MAGI1: variants seen among roughly 807,000 people sequenced by gnomAD.
MAGI1 encodes the protein membrane associated guanylate kinase, WW and PDZ domain containing 1, also known as membrane-associated guanylate kinase, WW and PDZ domain-containing protein 1.
MAGI1 carries 58 observed loss-of-function variants against 139.9 expected under a neutral mutation model. The observed-to-expected ratio is 0.41, with a 90% CI of 0.34 to 0.52. The LOEUF is 0.52. Ranked by LOEUF, MAGI1 falls within the 20% of genes least tolerant of loss-of-function variation. The probability of loss-of-function intolerance (pLI) is 0.12; values close to 1 mark genes in which losing one functional copy is unlikely to be tolerated. For missense variants in MAGI1, 1,874 were observed against 1,901.6 expected (o/e 0.99, Z 0.27); for synonymous variants, 812 against 737.9 (o/e 1.10, Z -1.63).
At chr3:65,357,858 C>T (rs1940357568) in intron 22 of MAGI1, among the ~76,000 whole-genome samples, 1 of 152,082 alleles carries the variant, frequency 6.6e-6, no homozygotes, top group Admixed American at 6.6e-5. Flanking sequence ...CGCAAGGGCC[C>T]ATTAAACTGT....
At chr3:65,940,865 C>T (rs1421876896) in intron 1 of MAGI1, among the ~76,000 whole-genome samples, 2 of 152,058 alleles carry the variant, frequency 1.3e-5, no homozygotes, top group African/African-American at 4.8e-5. Context: ...CCTCACAAAC[C>T]CCAAACCTTA....
At chr3:65,883,624 T>C (rs2060420216) in intron 1 of MAGI1, among the ~76,000 whole-genome samples, 1 of 152,206 alleles carries the variant, frequency 6.6e-6, no homozygotes, top group Non-Finnish European at 1.5e-5. Flanking sequence ...AGATATTCTA[T>C]GAAAAAGAAG....
chr3:65,729,685 G>A (rs979280176), intron 1 of MAGI1, among the ~76,000 whole-genome samples: 3 of 152,096 alleles, frequency 2.0e-5, no homozygotes, highest in South Asian at 4.1e-4. Context: ...GCTCCCCATC[G>A]CTAATGAAAA....
At position 66,038,334 on chromosome 3, in the gene MAGI1, A is replaced by T. The variant is rs1370925691; in HGVS notation, c.-26T>A. 1 of 1,519,310 alleles carries T rather than the reference A, an allele frequency of 6.6e-7. No individual in the cohort carries two copies. The highest frequency in any genetic ancestry group is 1.3e-5 in the South Asian group (1 of 77,046). 94.1% of individuals were successfully genotyped at this position (1,519,310 alleles called of 1,614,324 possible). On this transcript the variant is annotated 5_prime_UTR_variant, in exon 1 of 23. Transcript: ENST00000402939. ...GATGAGTTACACCCCTCCTCCAAAA[A>T]AATAAAACGAGAGACAGGTGCCCCC...
At chr3:65,453,629 T>C (rs73133303) in intron 5 of MAGI1, among the ~76,000 whole-genome samples, 48,010 of 151,978 alleles carry the variant, frequency 0.32, 9,085 homozygotes, top group East Asian at 0.74. Context: ...ATGATACCCC[T>C]TGCGTATACC....
intron 2 of MAGI1, among the ~76,000 whole-genome samples, chr3:65,521,110 C>T (rs1016229720): frequency 6.6e-6 from 1 of 152,168 alleles, no homozygotes; most frequent in Admixed American, 6.5e-5. Flanking sequence ...GTACCACAGA[C>T]AGTGGAAGGC....
intron 2 of MAGI1, among the ~76,000 whole-genome samples, chr3:65,606,203 C>A (rs1206696407): frequency 6.6e-6 from 1 of 152,140 alleles, no homozygotes; most frequent in East Asian, 1.9e-4. Context: ...GATCACAAAG[C>A]CAGAGGACAG....
intron 13 of MAGI1, among the ~76,000 whole-genome samples, chr3:65,400,859 G>A (rs929685978): frequency 7.4e-6 from 1 of 135,014 alleles, no homozygotes; most frequent in Non-Finnish European, 1.5e-5. Flanking sequence ...CTACAGCAAG[G>A]AAATGTCCTA....
intron 1 of MAGI1, among the ~76,000 whole-genome samples, chr3:66,007,717 GCAGACAA>G (rs2067099891): frequency 6.6e-6 from 1 of 152,076 alleles, no homozygotes; most frequent in Admixed American, 6.6e-5. Context: ...AAAATATACT[GCAGACAA>G]CAAGGAACAT....
intron 1 of MAGI1, among the ~76,000 whole-genome samples, chr3:65,929,547 A>G (rs771742646): frequency 1.3e-5 from 2 of 151,902 alleles, no homozygotes; most frequent in Non-Finnish European, 2.9e-5. Flanking sequence ...ATTGGCCAGG[A>G]TGGTCTCGAT....
At chr3:65,471,642 C>G (rs916406188) in intron 4 of MAGI1, among the ~76,000 whole-genome samples, 7 of 152,266 alleles carry the variant, frequency 4.6e-5, no homozygotes, top group Admixed American at 3.3e-4. Flanking sequence ...CCTTGTGGTG[C>G]CCCTCCCCAC....
intron 1 of MAGI1, among the ~76,000 whole-genome samples, chr3:65,764,283 C>T (rs60245698): frequency 0.013 from 1,896 of 151,338 alleles, 39 homozygotes; most frequent in African/African-American, 0.043. Flanking sequence ...TCAAGAGATT[C>T]TCAGGTAAAA....
At chr3:65,857,875 G>A (rs150998257) in intron 1 of MAGI1, among the ~76,000 whole-genome samples, 1 of 152,094 alleles carries the variant, frequency 6.6e-6, no homozygotes, top group Non-Finnish European at 1.5e-5. Flanking sequence ...AGGCAAGAAG[G>A]GGGGGAACAA....
intron 1 of MAGI1, among the ~76,000 whole-genome samples, chr3:65,827,998 C>G (rs1238424850): frequency 6.6e-6 from 1 of 152,156 alleles, no homozygotes; most frequent in Non-Finnish European, 1.5e-5. Context: ...GAACCAGGAA[C>G]CACTCACTCA....
At chr3:65,590,760 T>C (rs2106738915) in intron 2 of MAGI1, among the ~76,000 whole-genome samples, 1 of 152,258 alleles carries the variant, frequency 6.6e-6, no homozygotes, top group East Asian at 1.9e-4. Context: ...CAGGACAGGA[T>C]AAATTCCTAC....
intron 1 of MAGI1, among the ~76,000 whole-genome samples, chr3:65,905,347 T>C (rs3850570): frequency 0.12 from 18,401 of 152,120 alleles, 1,181 homozygotes; most frequent in East Asian, 0.21. Context: ...ACTCAACAGA[T>C]AGACAACTGT....
intron 12 of MAGI1, among the ~76,000 whole-genome samples, chr3:65,418,331 T>C (rs1345387220): frequency 6.6e-6 from 1 of 152,182 alleles, no homozygotes; most frequent in Non-Finnish European, 1.5e-5. Context: ...GCACAAACAA[T>C]ATCCTCAGTC....
intron 1 of MAGI1, among the ~76,000 whole-genome samples, chr3:65,955,026 T>C (rs1211006392): frequency 6.6e-6 from 1 of 152,192 alleles, no homozygotes; most frequent in Non-Finnish European, 1.5e-5. Flanking sequence ...AAAGACTACC[T>C]GTTTGTGAAA....
At chr3:65,982,877 A>AT (rs1274633847) in intron 1 of MAGI1, among the ~76,000 whole-genome samples, 4 of 152,170 alleles carry the variant, frequency 2.6e-5, no homozygotes, top group African/African-American at 9.6e-5. Flanking sequence ...AAAAATATAT[A>AT]TTTTTGTTTG....
Sources: allele counts gnomAD v4.1 joint callset (sites outside exome capture counted in the v4.1 genomes callset), GRCh38; gene constraint gnomAD v4.1.1; transcripts MANE v1.5; gene names NCBI Gene and HGNC (gene_info 2026-07-23, HGNC 2026-07-21).